Variants in CCDC33 observed in about 807,000 individuals in gnomAD.
CCDC33 encodes coiled-coil domain containing 33, also known as coiled-coil domain-containing protein 33.
CCDC33 carries 94 observed loss-of-function variants against 91.9 expected under a neutral mutation model. The observed-to-expected ratio is 1.02, with a 90% CI of 0.87 to 1.21. The LOEUF (loss-of-function observed/expected upper bound fraction) is 1.21, where lower values mean the gene tolerates loss of function less well. Ranked by LOEUF, CCDC33 falls within the 50% of genes most tolerant of loss-of-function variation. CCDC33 has a pLI of 0.00. For missense variants in CCDC33, 940 were observed against 935.5 expected (o/e 1.00, Z -0.06); for synonymous variants, 396 against 374.5 (o/e 1.06, Z -0.66).
At chr15:74,281,901 G>T in intron 10 of CCDC33, 52 bp downstream of exon 10, 1 of 1,496,912 alleles carries the variant, frequency 6.7e-7, no homozygotes, top group Non-Finnish European at 9.3e-7. Flanking sequence ...ATGTCAGTGA[G>T]ATCCAACTTC....
chr15:74,209,281 G>T, intron 1 of CCDC33: 1 of 1,321,924 alleles, frequency 7.6e-7, no homozygotes, highest in Non-Finnish European at 1.1e-6. Flanking sequence ...TCACCTCAGT[G>T]GAGAAGCCTG....
rs56079858 is a variant in CCDC33 at position 74,283,820 on chromosome 15, C to CACA, written c.1095+1971_1095+1972insACA. ...CACACACACACACACACACACACAC[C>CACA]CCCTCTACATATACACTCTCAATCA... On this transcript the variant is annotated intron_variant, in intron 10 of 18. Transcript: ENST00000398814. Among the ~76,000 whole-genome samples, 1,351 of 148,276 alleles carry CACA rather than the reference C, an allele frequency of 9.1e-3. 18 individuals carry two copies. Among genetic ancestry groups the CACA allele is most frequent in the East Asian group, 0.049 (243 of 4,970 alleles).
At chr15:74,289,790 T>G (rs201920002) in intron 10 of CCDC33, among the ~76,000 whole-genome samples, 2 of 44,654 alleles carry the variant, frequency 4.5e-5, no homozygotes, top group Admixed American at 5.3e-4. Flanking sequence ...CTTTGTCTAT[T>G]TATTTTTTTA....
chr15:74,251,627 C>G (rs1036676247), intron 2 of CCDC33, among the ~76,000 whole-genome samples: 9 of 152,196 alleles, frequency 5.9e-5, no homozygotes, highest in Admixed American at 3.9e-4. Context: ...TGGGATGGCA[C>G]AGGGGAGGTG....
chr15:74,305,165 T>C (rs2059870757), intron 11 of CCDC33, among the ~76,000 whole-genome samples: 1 of 152,154 alleles, frequency 6.6e-6, no homozygotes, highest in Non-Finnish European at 1.5e-5. Context: ...GAGGCTGGTC[T>C]CAAACTCCTG....
intron 11 of CCDC33, among the ~76,000 whole-genome samples, chr15:74,296,649 A>G (rs1337289466): frequency 6.6e-6 from 1 of 152,140 alleles, no homozygotes. Context: ...TAATAATAAT[A>G]AAAGAGGACA....
intron 11 of CCDC33, among the ~76,000 whole-genome samples, chr15:74,297,015 C>A (rs1041915204): frequency 6.6e-6 from 1 of 152,226 alleles, no homozygotes; most frequent in African/African-American, 2.4e-5. Flanking sequence ...CAGGACCTGA[C>A]CTCCTCCACC....
intron 2 of CCDC33, among the ~76,000 whole-genome samples, chr15:74,219,234 C>T (rs1010672596): frequency 6.6e-6 from 1 of 152,196 alleles, no homozygotes; most frequent in African/African-American, 2.4e-5. Context: ...TCAAGCCCAT[C>T]TAGCATCCAC....
At chr15:74,214,146 G>T (rs1451871904), upstream of CCDC33, among the ~76,000 whole-genome samples, 2 of 152,022 alleles carry the variant, frequency 1.3e-5, no homozygotes, top group African/African-American at 4.8e-5. Context: ...AGCGGGGGAG[G>T]TTGAAAGGAG....
chr15:74,263,884 A>G (rs28711089), intron 3 of CCDC33, among the ~76,000 whole-genome samples: 1 of 151,886 alleles, frequency 6.6e-6, no homozygotes, highest in Non-Finnish European at 1.5e-5. Context: ...GTATGTATAG[A>G]TCGTGTGTGT....
At chr15:74,216,415 G>A (rs1054319652), upstream of CCDC33, among the ~76,000 whole-genome samples, 5 of 150,752 alleles carry the variant, frequency 3.3e-5, no homozygotes, top group Non-Finnish European at 7.4e-5. Context: ...TCACTTACAA[G>A]TCAGGCGACT....
chr15:74,336,184 C>T, downstream of CCDC33: 2 of 1,456,376 alleles, frequency 1.4e-6, no homozygotes, highest in Non-Finnish European at 1.8e-6. Context: ...GGGGGCCCTG[C>T]TTCCTCCTCC....
chr15:74,288,582 C>A (rs1309388345), intron 10 of CCDC33, among the ~76,000 whole-genome samples: 1 of 152,240 alleles, frequency 6.6e-6, no homozygotes, highest in Non-Finnish European at 1.5e-5. Context: ...CATCAGTAAG[C>A]AGCATGTCTG....
chr15:74,261,820 C>T (rs995929889), intron 2 of CCDC33, among the ~76,000 whole-genome samples: 2 of 152,222 alleles, frequency 1.3e-5, no homozygotes, highest in Non-Finnish European at 2.9e-5. Context: ...TTCCACCACC[C>T]CCTGCCCCCA....
chr15:74,219,316 A>C (rs2074528037), intron 2 of CCDC33, among the ~76,000 whole-genome samples: 1 of 152,208 alleles, frequency 6.6e-6, no homozygotes. Flanking sequence ...GAAATATAGG[A>C]GGCTTCTCCC....
At chr15:74,306,225 C>T (rs77697159) in intron 11 of CCDC33, among the ~76,000 whole-genome samples, 1 of 152,126 alleles carries the variant, frequency 6.6e-6, no homozygotes, top group Non-Finnish European at 1.5e-5. Flanking sequence ...GGAGACACAT[C>T]AAGAATGGCT....
At chr15:74,240,045 C>G (rs2075297533) in intron 1 of CCDC33, among the ~76,000 whole-genome samples, 2 of 152,232 alleles carry the variant, frequency 1.3e-5, no homozygotes, top group South Asian at 2.1e-4. Flanking sequence ...CCCTGGCCCA[C>G]CATCCCCCTT....
chr15:74,209,156 C>T, intron 1 of CCDC33: 1 of 1,292,252 alleles, frequency 7.7e-7, no homozygotes, highest in South Asian at 1.9e-5. Context: ...CCAGCTCAGG[C>T]ACAGAGCAGG....
intron 5 of CCDC33, among the ~76,000 whole-genome samples, 176 bp from the exon 6 acceptor site, chr15:74,271,512 TCCTGAGGGAGGGCAG>T (rs1666401011): frequency 6.6e-6 from 1 of 152,108 alleles, no homozygotes; most frequent in Admixed American, 6.5e-5. Context: ...AGAGAAGGCT[TCCTGAGGGAGGGCAG>T]CCTGGTGCAA....
Sources: gnomAD v4.1 joint callset for allele counts (sites outside exome capture counted in the v4.1 genomes callset) on GRCh38, gnomAD v4.1.1 for gene constraint, MANE v1.5 for transcripts, NCBI Gene and HGNC (gene_info 2026-07-23, HGNC 2026-07-21) for gene names.